Variants in IFT140 observed in about 807,000 individuals in gnomAD.
IFT140 encodes intraflagellar transport 140, also known as intraflagellar transport protein 140 homolog.
IFT140 carries 133 observed loss-of-function variants against 164.6 expected under a neutral mutation model. That is an observed-to-expected ratio of 0.81 (90% CI 0.70 to 0.93). The LOEUF (loss-of-function observed/expected upper bound fraction) is 0.93. Among genes scored for constraint, IFT140 ranks in the 40% least tolerant of loss-of-function variants. The probability of loss-of-function intolerance (pLI) is 0.00; values close to 1 mark genes in which losing one functional copy is unlikely to be tolerated. For synonymous variants in IFT140, 860 were observed against 817.3 expected, an observed-to-expected ratio of 1.05 and a Z score of -0.89; for missense variants, 2,045 against 1,972.3, an observed-to-expected ratio of 1.04 and a Z score of -0.70.
intron 19 of IFT140, among the ~76,000 whole-genome samples, chr16:1,536,462 C>T (rs916485682): frequency 2.6e-5 from 4 of 152,198 alleles, no homozygotes; most frequent in Non-Finnish European, 5.9e-5. Flanking sequence ...ACAACATCCT[C>T]CTGCAACTTG....
chr16:1,513,609 C>T (rs56204851), intron 30 of IFT140, among the ~76,000 whole-genome samples: 20 of 152,204 alleles, frequency 1.3e-4, no homozygotes, highest in Non-Finnish European at 2.8e-4. Flanking sequence ...TGGGGGCAGC[C>T]GTGAGCAGGC....
intron 19 of IFT140, chr16:1,554,941 C>T (rs1225233495): frequency 1.2e-6 from 2 of 1,614,014 alleles, no homozygotes; most frequent in South Asian, 2.2e-5. Flanking sequence ...GACTGCATGG[C>T]CCCCCGGGTG....
chr16:1,534,410 G>A lies in IFT140; in HGVS notation c.2400-7614C>T, dbSNP rs375773521. On this transcript the variant is annotated intron_variant, in intron 19 of 30. Coordinates refer to ENST00000426508, the MANE Select transcript of IFT140 (RefSeq NM_014714.4). ...ATGGGCGCAGGCGCAGCGTGGGGCT[G>A]TGGAGGTCCTGCTGGCTGGTGGACA... 3.4e-4 allele frequency: 543 copies of A among 1,612,536 alleles called. 1 individual carries two copies. The highest frequency in any genetic ancestry group is 4.2e-4 in the Non-Finnish European group (498 of 1,179,846).
At chr16:1,562,383 G>C (rs534730680) in intron 17 of IFT140, among the ~76,000 whole-genome samples, 3 of 152,212 alleles carry the variant, frequency 2.0e-5, no homozygotes, top group African/African-American at 7.2e-5. Flanking sequence ...TGCAGCAAAG[G>C]CTCATCATTC....
At chr16:1,520,497 A>G (rs2040489982) in intron 27 of IFT140, 105 bp downstream of exon 27, 1 of 1,380,060 alleles carries the variant, frequency 7.2e-7, no homozygotes, top group East Asian at 2.5e-5. Flanking sequence ...AGAAAGGCTC[A>G]GCCCTAGCTT....
chr16:1,519,018 C>T (rs1350748254), intron 29 of IFT140, among the ~76,000 whole-genome samples: 1 of 152,200 alleles, frequency 6.6e-6, no homozygotes, highest in East Asian at 1.9e-4. Context: ...GGTTGCCCAC[C>T]CTGGCCCTCA....
At chr16:1,598,108 A>G (rs957964141) in intron 4 of IFT140, among the ~76,000 whole-genome samples, 2 of 152,216 alleles carry the variant, frequency 1.3e-5, no homozygotes, top group Non-Finnish European at 2.9e-5. Flanking sequence ...AAGAAAAATC[A>G]TCCAGAAGAA....
intron 19 of IFT140, among the ~76,000 whole-genome samples, chr16:1,554,481 C>A (rs1429364158): frequency 2.0e-5 from 3 of 152,154 alleles, no homozygotes; most frequent in African/African-American, 7.2e-5. Flanking sequence ...AGGAGCAGCA[C>A]GCCAGGACAG....
Position 1,589,621 on chromosome 16 carries a change from G to A in IFT140, c.794C>T (p.Ala265Val). 6.2e-7 allele frequency: 1 copy of A among 1,614,008 alleles called. No individual in the cohort carries two copies. The highest frequency in any genetic ancestry group is 8.5e-7 in the Non-Finnish European group (1 of 1,179,906). Residue 265 changes from alanine (A) to valine (V), a missense_variant, in exon 7 of 31, where the codon GCA (alanine) becomes GTA (valine). Ala to Val is a moderately conservative substitution (Grantham distance 64). Coordinates refer to ENST00000426508, the MANE Select transcript of IFT140 (RefSeq NM_014714.4). ...SLYTVPPEGK[A>V]EEVMKVKLSG... ...CCCACTCACCTTCATCACTTCTTCT[G>A]CTTTGCCCTCAGGAGGCACCGTGTA...
Position 1,584,254 on chromosome 16 carries a change from C to A in IFT140, c.1322G>T (p.Arg441Leu), listed in dbSNP as rs776567773. 6.2e-7 allele frequency: 1 copy of A among 1,613,644 alleles called. No individual in the cohort carries two copies. Among genetic ancestry groups the A allele is most frequent in the Non-Finnish European group, 8.5e-7 (1 of 1,179,974 alleles). Residue 441 changes from arginine to leucine, a missense_variant, in exon 11 of 31, where the codon CGC (arginine) becomes CTC (leucine). Physicochemically the swap from Arg to Leu is moderately radical, Grantham distance 102 (BLOSUM62 -2). Coordinates refer to ENST00000426508, the MANE Select transcript of IFT140 (RefSeq NM_014714.4). ...CACTCCACTGATGTGCATGTCGGTG[C>A]GCAGGCTGTGTGCGACCCCCGTGGA... ...FLSTGVAHSL[R>L]TDMHISGVFA...
chr16:1,565,156 C>G (rs2033641122), intron 16 of IFT140, among the ~76,000 whole-genome samples: 1 of 152,200 alleles, frequency 6.6e-6, no homozygotes, highest in South Asian at 2.1e-4. Flanking sequence ...GAGGGAAAAG[C>G]ATGAATGAAA....
At chr16:1,588,819 C>T (rs72761127) in intron 7 of IFT140, among the ~76,000 whole-genome samples, 11,916 of 152,128 alleles carry the variant, frequency 0.078, 543 homozygotes, top group African/African-American at 0.12. Context: ...CTGTACTTGC[C>T]TTCAGGAGGT....
chr16:1,583,602 T>C (rs1351554679), intron 11 of IFT140, among the ~76,000 whole-genome samples: 4 of 144,874 alleles, frequency 2.8e-5, no homozygotes, highest in Admixed American at 2.7e-4. Flanking sequence ...TTCTTTTCTG[T>C]TTTTTTTTTT....
rs2032614704 is a variant in IFT140, at chr16:1,551,292, G to A, written c.2399+6643C>T. 6.6e-6 allele frequency among the ~76,000 whole-genome samples: 1 copy of A among 152,156 alleles called. No individual in the cohort carries two copies. The highest frequency in any genetic ancestry group is 6.5e-5 in the Admixed American group (1 of 15,278). On this transcript the variant is annotated intron_variant, in intron 19 of 30. Transcript: ENST00000426508. The surrounding 1 kb of genome is among the most constrained non-coding windows in gnomAD (Gnocchi z 4.0). ...CACAATGACCACGGCTGGCAGGGGT[G>A]GGCAGGTGCAACTCTAAGCCGAGGC...
chr16:1,567,516 C>T (rs1320490458), intron 15 of IFT140, among the ~76,000 whole-genome samples: 3 of 152,212 alleles, frequency 2.0e-5, no homozygotes, highest in African/African-American at 7.2e-5. Context: ...CAGTGCTGTG[C>T]AGTTCCACAC....
chr16:1,516,344 G>A (rs1412323418), intron 30 of IFT140, among the ~76,000 whole-genome samples: 1 of 152,112 alleles, frequency 6.6e-6, no homozygotes, highest in Non-Finnish European at 1.5e-5. Flanking sequence ...GGGGACACGG[G>A]TGGGAAATGG....
intron 4 of IFT140, among the ~76,000 whole-genome samples, chr16:1,598,924 G>A (rs1017179718): frequency 8.7e-5 from 13 of 149,138 alleles, no homozygotes; most frequent in Admixed American, 2.7e-4. Flanking sequence ...AGTCTGGAAA[G>A]TGAGGAGCGT....
At chr16:1,523,396 C>A in intron 26 of IFT140, 122 bp downstream of exon 26, 1 of 1,038,254 alleles carries the variant, frequency 9.6e-7, no homozygotes, top group Non-Finnish European at 1.4e-6. Flanking sequence ...AGGGGGCACC[C>A]ACCGCAGCCT....
At chr16:1,550,490 C>T (rs886144568) in intron 19 of IFT140, among the ~76,000 whole-genome samples, 11 of 152,252 alleles carry the variant, frequency 7.2e-5, no homozygotes, top group Non-Finnish European at 1.6e-4. Context: ...AACAACAGTT[C>T]AGGAAGCAGC....
Sources: allele counts gnomAD v4.1 joint callset (sites outside exome capture counted in the v4.1 genomes callset), GRCh38; gene constraint gnomAD v4.1.1; non-coding constraint Gnocchi (gnomAD v3.1); transcripts MANE v1.5; gene names NCBI Gene and HGNC (gene_info 2026-07-23, HGNC 2026-07-21).